FOXN3: variants seen among roughly 807,000 people sequenced by gnomAD.
FOXN3 encodes the protein forkhead box protein N3.
FOXN3 carries 7 observed loss-of-function variants against 38.4 expected under a neutral mutation model. The ratio of observed to expected loss-of-function variants is 0.18; its 90% CI spans 0.10 to 0.34. The LOEUF is 0.34. FOXN3 is among the 10% of genes least tolerant of loss of function. The probability of loss-of-function intolerance (pLI) is 1.00; values close to 1 mark genes in which losing one functional copy is unlikely to be tolerated. For missense variants in FOXN3, 456 were observed against 613.4 expected, an observed-to-expected ratio of 0.74 and a Z score of 2.71; for synonymous variants, 230 against 242.2, an observed-to-expected ratio of 0.95 and a Z score of 0.47.
intron 2 of FOXN3, among the ~76,000 whole-genome samples, chr14:89,378,161 CT>C (rs144315291): frequency 0.013 from 2,049 of 152,322 alleles, 60 homozygotes; most frequent in African/African-American, 0.047. Flanking sequence ...GATGGTTCCC[CT>C]AATCCAAAAG....
intron 1 of FOXN3, among the ~76,000 whole-genome samples, chr14:89,554,876 C>T (rs1468389768): frequency 6.8e-6 from 1 of 147,728 alleles, no homozygotes; most frequent in Non-Finnish European, 1.5e-5. Context: ...GAAACCTCAG[C>T]CTCCCAGGTT....
intron 2 of FOXN3, among the ~76,000 whole-genome samples, chr14:89,365,826 C>T (rs559017199): frequency 6.6e-6 from 1 of 152,278 alleles, no homozygotes; most frequent in Admixed American, 6.5e-5. Context: ...TATTATGTGG[C>T]ATGAAGCCAT....
At chr14:89,354,281 G>A (rs1374172228) in intron 2 of FOXN3, among the ~76,000 whole-genome samples, 3 of 151,140 alleles carry the variant, frequency 2.0e-5, no homozygotes, top group Admixed American at 1.3e-4. Context: ...AGGCTGGAGC[G>A]CAGTGGCACA....
intron 1 of FOXN3, among the ~76,000 whole-genome samples, chr14:89,445,962 G>A (rs1234275206): frequency 6.6e-6 from 1 of 150,822 alleles, no homozygotes; most frequent in African/African-American, 2.4e-5. Context: ...GGTGGCGGGG[G>A]TGGAGGACAT....
upstream of FOXN3, chr14:89,417,364 C>G (rs2140103133): frequency 6.8e-6 from 1 of 147,540 alleles, no homozygotes; most frequent in East Asian, 2.0e-4. Flanking sequence ...GGGGCACTGA[C>G]CCGCCGGGGC....
In FOXN3 at chr14:89,246,821, G is replaced by GGTAATTAC. The variant is rs1885313956; in HGVS notation, c.745+34128_745+34129insGTAATTAC. On this transcript the variant is annotated intron_variant, in intron 4 of 5. Coordinates refer to ENST00000557258, the MANE Select transcript of FOXN3 (RefSeq NM_005197.4). ...CCCAAAGTGCTGGGATTACAAGCGTGAGCCACTGTGCCCAGCCGGATGCGG... is the reference window on the plus strand; with the variant it reads ...CCCAAAGTGCTGGGATTACAAGCGTGGTAATTACAGCCACTGTGCCCAGCCGGATGCGG... Among the ~76,000 whole-genome samples, 5 of 152,230 alleles carry GGTAATTAC rather than the reference G, an allele frequency of 3.3e-5. No homozygotes were observed. In the South Asian group the frequency reaches 1.0e-3, roughly 32 times the overall value.
chr14:89,497,550 G>C (rs992706256), intron 1 of FOXN3, among the ~76,000 whole-genome samples: 1 of 151,848 alleles, frequency 6.6e-6, no homozygotes, highest in African/African-American at 2.4e-5. Context: ...AGGATTACAG[G>C]CATGCACCAC....
chr14:89,422,266 T>C (rs1786452195), intron 1 of FOXN3, among the ~76,000 whole-genome samples: 1 of 152,208 alleles, frequency 6.6e-6, no homozygotes, highest in African/African-American at 2.4e-5. Context: ...CTGAAGGGCT[T>C]GTTAAAACAC....
At chr14:89,477,790 C>T (rs1893241311) in intron 1 of FOXN3, among the ~76,000 whole-genome samples, 1 of 151,996 alleles carries the variant, frequency 6.6e-6, no homozygotes, top group Admixed American at 6.6e-5. Flanking sequence ...GTGGCCGGCA[C>T]GATGCCTATT....
Position 89,495,778 on chromosome 14 carries a change from G to A in FOXN3, c.-14-83288C>T, listed in dbSNP as rs1280377626. On this transcript the variant is annotated intron_variant, in intron 1 of 6. Coordinates refer to the FOXN3 transcript ENST00000345097. ...CATTTGACTCTCATGAGAGTTCCAC[G>A]AATTAACTTGGTAGGTATCACCAAT... Among the ~76,000 whole-genome samples the A allele has an allele frequency of 3.9e-5, 6 of 152,140 alleles. No individual in the cohort carries two copies. In the East Asian group the frequency reaches 5.8e-4, roughly 15 times the overall value.
At chr14:89,286,068 A>G (rs34235747) in intron 3 of FOXN3, among the ~76,000 whole-genome samples, 32,779 of 151,566 alleles carry the variant, frequency 0.22, 4,320 homozygotes, top group South Asian at 0.36. Context: ...ACAGGGTCTC[A>G]CTATGTTGCT....
chr14:89,205,552 G>C (rs539844785), intron 4 of FOXN3, among the ~76,000 whole-genome samples: 1 of 152,212 alleles, frequency 6.6e-6, no homozygotes, highest in Non-Finnish European at 1.5e-5. Flanking sequence ...CACATCGACC[G>C]ACACCAACAG....
At chr14:89,170,514 C>T (rs1008495396) in intron 5 of FOXN3, among the ~76,000 whole-genome samples, 3 of 152,148 alleles carry the variant, frequency 2.0e-5, no homozygotes, top group Admixed American at 1.3e-4. Flanking sequence ...TGGCCTCACG[C>T]AATCTCCCAC....
At chr14:89,349,899 C>T (rs903941156) in intron 3 of FOXN3, 10 of 152,110 alleles carry the variant, frequency 6.6e-5, no homozygotes, top group South Asian at 2.1e-4. Context: ...TAGGTGGTTA[C>T]GATAGAAACA....
At chr14:89,301,207 A>G (rs1887208019) in intron 3 of FOXN3, among the ~76,000 whole-genome samples, 1 of 152,134 alleles carries the variant, frequency 6.6e-6, no homozygotes, top group Admixed American at 6.5e-5. Context: ...AATGTAAGAC[A>G]TGCCTATAAT....
chr14:89,463,652 A>G (rs1003222463), intron 1 of FOXN3, among the ~76,000 whole-genome samples: 1 of 152,186 alleles, frequency 6.6e-6, no homozygotes, highest in Non-Finnish European at 1.5e-5. Context: ...AGACCTCTTC[A>G]GTACAGCCTC....
At chr14:89,217,228 G>C (rs1193965381) in intron 4 of FOXN3, among the ~76,000 whole-genome samples, 1 of 152,100 alleles carries the variant, frequency 6.6e-6, no homozygotes, top group East Asian at 1.9e-4. Flanking sequence ...TGGACCTCCT[G>C]GGCACAAGCA....
rs1555358091 is a variant in FOXN3, at chr14:89,511,251, C to CTTTCT, written c.-14-98766_-14-98762dup. On this transcript the variant is annotated intron_variant, in intron 1 of 6. Coordinates refer to the FOXN3 transcript ENST00000345097. ...TCTTTTCTTTCCTTTTCTTTCTTTT[C>CTTTCT]TTTCTTTCTTTCTTTCTTTCTTTCT... 5.7e-3 allele frequency among the ~76,000 whole-genome samples: 75 copies of CTTTCT among 13,128 alleles called. 8 individuals carry two copies. Among genetic ancestry groups the CTTTCT allele is most frequent in the African/African-American group, 7.7e-3 (43 of 5,588 alleles). 8.6% of individuals were successfully genotyped at this position (13,128 alleles called of 152,430 possible).
At chr14:89,417,784 T>C (rs1005445282), upstream of FOXN3, 2 of 454,242 alleles carry the variant, frequency 4.4e-6, no homozygotes, top group Admixed American at 4.7e-5. Context: ...AGCGACCACC[T>C]CGTGTCCCGG....
Sources: allele counts gnomAD v4.1 joint callset (sites outside exome capture counted in the v4.1 genomes callset), GRCh38; gene constraint gnomAD v4.1.1; transcripts MANE v1.5; gene names NCBI Gene and HGNC (gene_info 2026-07-23, HGNC 2026-07-21).